Variants in NUP214 observed in about 807,000 individuals in gnomAD.
NUP214 encodes the protein nuclear pore complex protein Nup214.
A neutral mutation model predicts 196.2 loss-of-function variants in NUP214; 79 were observed. That is an observed-to-expected ratio of 0.40 (90% CI 0.34 to 0.49). NUP214 has a LOEUF of 0.49. Ranked by LOEUF, NUP214 falls within the 20% of genes least tolerant of loss-of-function variation. The probability of loss-of-function intolerance (pLI) is 0.58; values close to 1 mark genes in which losing one functional copy is unlikely to be tolerated. For missense variants in NUP214, 2,468 were observed against 2,539.0 expected, an observed-to-expected ratio of 0.97 and a Z score of 0.60; for synonymous variants, 1,020 against 990.5, an observed-to-expected ratio of 1.03 and a Z score of -0.56.
intron 21 of NUP214, among the ~76,000 whole-genome samples, chr9:131,168,377 A>G (rs563208475): frequency 1.3e-5 from 2 of 152,322 alleles, no homozygotes; most frequent in South Asian, 4.1e-4. Context: ...ATTGAGGTAT[A>G]ATTTACATAT....
At chr9:131,201,531 C>T (rs1833938171) in intron 29 of NUP214, 116 bp from the exon 30 acceptor site, 4 of 756,236 alleles carry the variant, frequency 5.3e-6, no homozygotes, top group South Asian at 5.0e-5. Flanking sequence ...CACCATTGCA[C>T]TCCAGCCTGG....
intron 10 of NUP214, among the ~76,000 whole-genome samples, chr9:131,139,897 A>G (rs998727819): frequency 6.6e-6 from 1 of 151,538 alleles, no homozygotes; most frequent in African/African-American, 2.5e-5. Context: ...TAGCTTGGCT[A>G]TACTGTAGTC....
At chr9:131,222,952 AT>A (rs1564219164) in intron 32 of NUP214, 22 bp downstream of exon 32, 2 of 1,607,748 alleles carry the variant, frequency 1.2e-6, no homozygotes, top group East Asian at 4.5e-5. Flanking sequence ...TCTATTTGTT[AT>A]GGTTATCTTT....
At chr9:131,144,194 C>T in intron 11 of NUP214, 86 bp from the exon 12 acceptor site, 3 of 1,082,210 alleles carry the variant, frequency 2.8e-6, no homozygotes, top group Non-Finnish European at 4.1e-6. Context: ...TTTATTCTAC[C>T]ACAAATTCTT....
chr9:131,207,220 T>C (rs1255552410), intron 30 of NUP214, among the ~76,000 whole-genome samples: 1 of 152,236 alleles, frequency 6.6e-6, no homozygotes, highest in Non-Finnish European at 1.5e-5. Context: ...GTATAACAAA[T>C]TGCCTCAAAA....
rs1292378249 is a variant in NUP214, at chr9:131,197,824, C to G, written c.4330C>G (p.Gln1444Glu). 2 of 1,613,508 alleles carry G rather than the reference C, an allele frequency of 1.2e-6. No homozygotes were observed. The highest frequency in any genetic ancestry group is 1.7e-6 in the Non-Finnish European group (2 of 1,180,036). Residue 1444 changes from glutamine to glutamate, a missense_variant, in exon 29 of 36, where the codon CAA becomes GAA. This residue lies in a region of NUP214 where 1,801 missense variants were observed against 1,779.4 expected (regional missense o/e 1.01). Transcript: ENST00000359428. Reference sequence around the variant, plus strand: ...CAAGACTAGTTTTTCATTTGGAAGCCAACAGACCAATAGCACAGTGCCCCC... The same window carrying G: ...CAAGACTAGTTTTTCATTTGGAAGCGAACAGACCAATAGCACAGTGCCCCC... ...AGKTSFSFGS[Q>E]QTNSTVPPSA...
chr9:131,174,045 G>A lies in NUP214; in HGVS notation c.2894-10G>A. The A allele has an allele frequency of 6.2e-7, 1 of 1,609,868 alleles. No individual in the cohort carries two copies. Among genetic ancestry groups the A allele is most frequent in the Non-Finnish European group, 8.5e-7 (1 of 1,178,758 alleles). ...TTGTCTAAATTGTGTTTTGTTTGGG[G>A]CTTTTGTAGCCAGCCTGTCTCGATC... On this transcript the variant is annotated splice_polypyrimidine_tract_variant and intron_variant, in intron 21 of 35. Coordinates refer to ENST00000359428, the MANE Select transcript of NUP214 (RefSeq NM_005085.4).
rs1280334576 is a variant in NUP214, at chr9:131,163,878, G to A, written c.2732G>A (p.Ser911Asn). ...PSQSSIHSFD[S>N]DLESLCNALL... The stretch of plus-strand genomic sequence containing the variant: ...ACACTGTTCTGTTTCAGTTTTGACA[G>A]TGACCTGGAAAGCCTGTGCAATGCT... Residue 911 changes from serine (S) to asparagine (N), a missense_variant, in exon 20 of 36, where the codon AGT becomes AAT. Coordinates refer to ENST00000359428, the MANE Select transcript of NUP214 (RefSeq NM_005085.4). 7 of 1,613,938 alleles carry A rather than the reference G, an allele frequency of 4.3e-6. No homozygotes were observed. The highest frequency in any genetic ancestry group is 5.9e-6 in the Non-Finnish European group (7 of 1,179,968).
In NUP214 at chr9:131,148,620, A is replaced by C. The variant is rs144906200; in HGVS notation, c.2040+1036A>C. Among the ~76,000 whole-genome samples the C allele has an allele frequency of 1.3e-4, 20 of 152,150 alleles. No homozygotes were observed. In the East Asian group the frequency reaches 3.9e-3, roughly 29 times the overall value. ...TTTTGTTGTATGGTTTTGTGGTTTT[A>C]ATTTGTATTTCTCTAATGATTAGCA... On this transcript the variant is annotated intron_variant, in intron 14 of 35. Coordinates refer to ENST00000359428, the MANE Select transcript of NUP214 (RefSeq NM_005085.4).
Position 131,174,144 on chromosome 9 carries a change from G to A in NUP214, c.2983G>A (p.Glu995Lys), listed in dbSNP as rs1833032535. Residue 995 changes from glutamate (E) to lysine (K), a missense_variant, in exon 22 of 36, where the codon GAG becomes AAG. Around this residue, in one of 5 missense-constraint regions of NUP214, gnomAD observed 1,801 missense variants for 1,779.4 expected, o/e 1.01. Transcript: ENST00000359428. ...AACGTCATCTGTCTCCCAGTCTCTG[G>A]AGAGTGAAGATGCACGGACGTCCTG... ...SSTSSVSQSL[E>K]SEDARTSCKD... 1 of 1,613,820 alleles carries A rather than the reference G, an allele frequency of 6.2e-7. No homozygotes were observed. Among genetic ancestry groups the A allele is most frequent in the Admixed American group, 1.7e-5 (1 of 59,878 alleles).
At chr9:131,160,191 T>C (rs1252954762) in intron 18 of NUP214, among the ~76,000 whole-genome samples, 1 of 152,088 alleles carries the variant, frequency 6.6e-6, no homozygotes, top group African/African-American at 2.4e-5. Flanking sequence ...ACTATTTCGC[T>C]ATAATTATTA....
chr9:131,144,961 T>C (rs1462842623), intron 12 of NUP214, among the ~76,000 whole-genome samples: 1 of 152,192 alleles, frequency 6.6e-6, no homozygotes, highest in Admixed American at 6.5e-5. Context: ...TAGCTAGCAT[T>C]TTATTTTTTT....
intron 29 of NUP214, among the ~76,000 whole-genome samples, chr9:131,200,421 C>T (rs146561305): frequency 3.9e-5 from 6 of 152,258 alleles, no homozygotes; most frequent in African/African-American, 1.4e-4. Flanking sequence ...ACTAAAAACA[C>T]AAACATTGCC....
intron 1 of NUP214, 83 bp from the exon 2 acceptor site, chr9:131,127,441 G>T: frequency 9.3e-7 from 1 of 1,071,508 alleles, no homozygotes; most frequent in South Asian, 1.5e-5. Flanking sequence ...TATTTTTGTT[G>T]TACTGAAATT....
chr9:131,199,245 A>G (rs1443677413), intron 29 of NUP214, among the ~76,000 whole-genome samples: 2 of 152,124 alleles, frequency 1.3e-5, no homozygotes, highest in South Asian at 2.1e-4. Context: ...CAAATTGTCC[A>G]CTCTGCAAGC....
At chr9:131,187,463 C>T (rs1588153911) in intron 25 of NUP214, 99 bp downstream of exon 25, 8 of 847,682 alleles carry the variant, frequency 9.4e-6, no homozygotes, top group Admixed American at 4.8e-5. Flanking sequence ...CTTGGCTCAC[C>T]GCAACCTCTG....
At position 131,192,198 on chromosome 9, in the gene NUP214, A is replaced by AT; in HGVS notation, c.3575-9dup. ...TTTTTTTTTTTTTTTTTTTTTTTCC[A>AT]TAATTTCAGGGACAGCCAAGATAGA... On this transcript the variant is annotated splice_polypyrimidine_tract_variant and intron_variant, in intron 26 of 35. Transcript: ENST00000359428. 9.3e-6 allele frequency: 4 copies of AT among 432,382 alleles called. No homozygotes were observed. Among genetic ancestry groups the AT allele is most frequent in the East Asian group, 5.6e-5 (1 of 17,990 alleles). 26.8% of individuals were successfully genotyped at this position (432,382 alleles called of 1,614,324 possible).
intron 10 of NUP214, 53 bp from the exon 11 acceptor site, chr9:131,140,496 C>T: frequency 2.0e-6 from 3 of 1,526,938 alleles, no homozygotes; most frequent in South Asian, 1.3e-5. Flanking sequence ...GCCTTCTGGG[C>T]TCAGGCCCTT....
chr9:131,171,306 T>C (rs1832949525), intron 21 of NUP214, among the ~76,000 whole-genome samples: 1 of 152,216 alleles, frequency 6.6e-6, no homozygotes, highest in Non-Finnish European at 1.5e-5. Context: ...CATAGGACCT[T>C]GGAGGTTACA....
Sources: allele counts gnomAD v4.1 joint callset (sites outside exome capture counted in the v4.1 genomes callset), GRCh38; gene constraint gnomAD v4.1.1; regional missense constraint gnomAD v4.1.1; transcripts MANE v1.5; gene names NCBI Gene and HGNC (gene_info 2026-07-23, HGNC 2026-07-21).